Variants in RASGRP4 observed in about 807,000 individuals in gnomAD.
RASGRP4 encodes RAS guanyl-releasing protein 4.
In RASGRP4, 52 loss-of-function variants were observed where a neutral mutation model predicts 84.4. The ratio of observed to expected loss-of-function variants is 0.62; its 90% CI spans 0.49 to 0.78. The LOEUF is 0.78. RASGRP4 is among the 30% of genes least tolerant of loss of function. The pLI, the probability that RASGRP4 is intolerant of heterozygous loss-of-function variation, is 0.00. For missense variants in RASGRP4, 760 were observed against 886.9 expected (o/e 0.86, Z 1.82); for synonymous variants, 356 against 359.1 (o/e 0.99, Z 0.10).
At chr19:38,410,443 T>C (rs146132469) in intron 16 of RASGRP4, among the ~76,000 whole-genome samples, 4,583 of 150,610 alleles carry the variant, frequency 0.03, 228 homozygotes, top group African/African-American at 0.1. Context: ...GACAGGGTCT[T>C]GCTCTGTCAC....
chr19:38,418,457 C>T lies in RASGRP4; in HGVS notation c.771G>A (p.Met257Ile). Reference sequence around the variant, plus strand: ...GTAGGGGCCCGGGACGGCTCAGCACCATCACCTGCACCCAGCGGGACACGC... The same window carrying T: ...GTAGGGGCCCGGGACGGCTCAGCACTATCACCTGCACCCAGCGGGACACGC... Reference protein sequence around the residue: ...SNSVSRWVQVMVLSRPGPLQR... With the variant: ...SNSVSRWVQVIVLSRPGPLQR... The change falls in exon 7 of 17, where the codon ATG becomes ATA. Residue 257 changes from methionine to isoleucine, a missense_variant. Physicochemically the swap from Met to Ile is conservative, Grantham distance 10. Coordinates refer to ENST00000615439, the MANE Select transcript of RASGRP4 (RefSeq NM_170604.3). The surrounding 1 kb of genome is among the most constrained non-coding windows in gnomAD (Gnocchi z 4.6). 1 of 1,598,948 alleles carries T rather than the reference C, an allele frequency of 6.3e-7. No homozygotes were observed. Among genetic ancestry groups the T allele is most frequent in the Non-Finnish European group, 8.5e-7 (1 of 1,173,358 alleles).
In RASGRP4 at chr19:38,413,613, C is replaced by T. The variant is rs1971373285; in HGVS notation, c.1231-139G>A. 1.4e-6 allele frequency: 1 copy of T among 699,610 alleles called. No individual in the cohort carries two copies. The highest frequency in any genetic ancestry group is 1.8e-5 in the South Asian group (1 of 55,568). The allele number at this position is 699,610 out of a possible 1,614,324, so 43.3% of individuals were successfully genotyped here. ...TGCTGTGGGACAGTGGGCAAGGGAC[C>T]TCACCTCTCTGGGCCTCAGTTTCCC... On this transcript the variant is annotated intron_variant, in intron 9 of 16. Coordinates refer to ENST00000615439, the MANE Select transcript of RASGRP4 (RefSeq NM_170604.3). The surrounding 1 kb of genome is among the most constrained non-coding windows in gnomAD (Gnocchi z 4.7).
rs769408645 is a variant in RASGRP4, at chr19:38,419,967, C to T, written c.556G>A (p.Gly186Ser). Reference protein sequence around the residue: ...PGPPLPMSSPGLGKKRKVSLL... With the variant: ...PGPPLPMSSPSLGKKRKVSLL... ...GACACTTTGCGCTTTTTGCCCAGGC[C>T]TGGGCTGCTCATTGGGAGTGGGGGG... The change falls in exon 6 of 17, where the codon GGC (glycine) becomes AGC (serine). Residue 186 changes from glycine (G) to serine (S), a missense_variant. Transcript: ENST00000615439. 1 of 1,613,838 alleles carries T rather than the reference C, an allele frequency of 6.2e-7. No homozygotes were observed. The highest frequency in any genetic ancestry group is 1.3e-5 in the African/African-American group (1 of 74,942).
Position 38,420,200 on chromosome 19 carries a change from C to T in RASGRP4, c.440G>A (p.Gly147Asp). 6.2e-7 allele frequency: 1 copy of T among 1,613,194 alleles called. No individual in the cohort carries two copies. Among genetic ancestry groups the T allele is most frequent in the East Asian group, 2.2e-5 (1 of 44,848 alleles). The change falls in exon 5 of 17, where the codon GGT (glycine) becomes GAT (aspartate). Residue 147 changes from glycine to aspartate, a missense_variant. Gly to Asp is a moderately conservative substitution (Grantham distance 94). Coordinates refer to ENST00000615439, the MANE Select transcript of RASGRP4 (RefSeq NM_170604.3). The part of the protein sequence containing the change: ...HQDPQLEEVI[G>D]RFWATVAREG... Reference sequence around the variant, plus strand: ...CCGGGCCACGGTGGCCCAGAAACGACCTATGACTTCTTCTAGCTGGGGATC... The same window carrying T: ...CCGGGCCACGGTGGCCCAGAAACGATCTATGACTTCTTCTAGCTGGGGATC...
Position 38,420,285 on chromosome 19 carries a change from G to A in RASGRP4, c.378-23C>T, listed in dbSNP as rs369876197. The A allele has an allele frequency of 5.6e-6, 9 of 1,611,016 alleles. No homozygotes were observed. In the African/African-American group the frequency reaches 1.2e-4, roughly 22 times the overall value. ...TACCTGAGAGTGGTTTGGAGATGGT[G>A]AGATGAGGCCGGGGGTGGCGAAGGT... is the stretch of plus-strand genomic sequence containing the variant. On this transcript the variant is annotated intron_variant, in intron 4 of 16. Coordinates refer to ENST00000615439, the MANE Select transcript of RASGRP4 (RefSeq NM_170604.3).
Position 38,410,108 on chromosome 19 carries a change from A to G in RASGRP4, c.1966-12T>C, listed in dbSNP as rs1193386990. On this transcript the variant is annotated splice_polypyrimidine_tract_variant and intron_variant, in intron 16 of 16. Coordinates refer to ENST00000615439, the MANE Select transcript of RASGRP4 (RefSeq NM_170604.3). ...ACCGGGCAGGGGACCTGGAAGGAGG[A>G]AGGGAGGAAGAAAGATGACAGATGA... The G allele has an allele frequency of 6.2e-7, 1 of 1,608,506 alleles. No homozygotes were observed. The highest frequency in any genetic ancestry group is 1.1e-5 in the South Asian group (1 of 90,566).
At chr19:38,421,029 CA>C (rs1971723354) in intron 3 of RASGRP4, 59 bp from the exon 4 acceptor site, 4 of 1,606,736 alleles carry the variant, frequency 2.5e-6, no homozygotes, top group Middle Eastern at 1.7e-4. Context: ...TCCCCATTCC[CA>C]TTGCCCAGGT....
intron 8 of RASGRP4, among the ~76,000 whole-genome samples, chr19:38,415,448 C>T (rs1319335430): frequency 6.8e-6 from 1 of 146,412 alleles, no homozygotes; most frequent in African/African-American, 2.5e-5. Flanking sequence ...TCTCGGCTTA[C>T]TGCCACCTCC....
intron 1 of RASGRP4, among the ~76,000 whole-genome samples, chr19:38,425,241 G>A (rs1018262200): frequency 5.3e-5 from 8 of 151,680 alleles, no homozygotes; most frequent in African/African-American, 1.9e-4. Flanking sequence ...CCAGCAACCT[G>A]TATTTTACAA....
intron 8 of RASGRP4, among the ~76,000 whole-genome samples, chr19:38,416,407 G>C (rs1971500768): frequency 1.4e-5 from 2 of 144,860 alleles, no homozygotes; most frequent in South Asian, 4.4e-4. Context: ...AGGTTGCAGT[G>C]AGCCGAGATT....
At chr19:38,419,822 C>A in intron 6 of RASGRP4, 38 bp downstream of exon 6, 1 of 1,543,856 alleles carries the variant, frequency 6.5e-7, no homozygotes, top group Admixed American at 1.9e-5. Flanking sequence ...ACCCCAGTGT[C>A]TCCCCTGCTT....
rs777983419 is a variant in RASGRP4 at position 38,421,132 on chromosome 19, G to C, written c.277C>G (p.Leu93Val). 22 of 1,613,746 alleles carry C rather than the reference G, an allele frequency of 1.4e-5. No homozygotes were observed. The highest frequency in any genetic ancestry group is 1.8e-5 in the Non-Finnish European group (21 of 1,179,846). ...NMVLAMHSWV[L>V]PSADLAARLL... ...CGGGCAGCCAGGTCGGCGGACGGCAGCACCCAGCTGTGCATGGCCAGCACC... is the reference window on the plus strand; with the variant it reads ...CGGGCAGCCAGGTCGGCGGACGGCACCACCCAGCTGTGCATGGCCAGCACC... Residue 93 changes from leucine to valine, a missense_variant, in exon 3 of 17, where the codon CTG becomes GTG. Physicochemically the swap from Leu to Val is conservative, Grantham distance 32. Coordinates refer to ENST00000615439, the MANE Select transcript of RASGRP4 (RefSeq NM_170604.3).
rs778489895 is a variant in RASGRP4, at chr19:38,410,053, T to C, written c.2009A>G (p.Lys670Arg). ...VMDPPSTASS[K>R]LDS ...ACCAAGAGATGTCTAGGAATCCAGC[T>C]TGGAGGATGCAGTTGATGGTGGGTC... Residue 670 changes from lysine (K) to arginine (R), a missense_variant, in exon 17 of 17, where the codon AAG (lysine) becomes AGG (arginine). Lys to Arg is a conservative substitution (Grantham distance 26). Transcript: ENST00000615439. 2 of 1,611,850 alleles carry C rather than the reference T, an allele frequency of 1.2e-6. No individual in the cohort carries two copies. The highest frequency in any genetic ancestry group is 3.3e-5 in the Admixed American group (2 of 59,786).
intron 6 of RASGRP4, 79 bp downstream of exon 6, chr19:38,419,781 G>T (rs1412912702): frequency 1.2e-5 from 17 of 1,393,772 alleles, no homozygotes; most frequent in Non-Finnish European, 1.3e-5. Flanking sequence ...TGTCCTCTCA[G>T]TCCTACCTTC....
Position 38,417,154 on chromosome 19 carries a change from C to A in RASGRP4, c.852G>T (p.Leu284=). ...CTGCCATCAGCGTGTTGAAATTCTG[C>A]AGCTGGTGGAGCCTCTAGGAAGAGA... is the stretch of plus-strand genomic sequence containing the variant. The part of the protein sequence containing the change: ...FIHVAQRLHQ[L]QNFNTLMAVT... The change falls in exon 8 of 17, where the codon CTG becomes CTT. Residue 284 remains leucine, a synonymous_variant. Coordinates refer to ENST00000615439, the MANE Select transcript of RASGRP4 (RefSeq NM_170604.3). This position sits in a 1 kb window ranked among gnomAD's most constrained non-coding sequence, Gnocchi z 5.1. 1 of 1,557,996 alleles carries A rather than the reference C, an allele frequency of 6.4e-7. No individual in the cohort carries two copies. The highest frequency in any genetic ancestry group is 8.7e-7 in the Non-Finnish European group (1 of 1,150,456).
intron 6 of RASGRP4, among the ~76,000 whole-genome samples, chr19:38,419,232 T>G (rs1466610678): frequency 6.6e-6 from 1 of 152,164 alleles, no homozygotes; most frequent in East Asian, 1.9e-4. Flanking sequence ...TATGACAATT[T>G]CAAATGGTTC....
rs771740857 is a variant in RASGRP4 at position 38,420,248 on chromosome 19, C to G, written c.392G>C (p.Arg131Pro). The change falls in exon 5 of 17, where the codon CGA (arginine) becomes CCA (proline). Residue 131 changes from arginine (R) to proline (P), a missense_variant. By Grantham distance (103) the Arg-to-Pro change is moderately radical. Transcript: ENST00000615439. ...ICHLVRYWLMRHPEVMHQDPQ... is the reference protein window; with the variant it reads ...ICHLVRYWLMPHPEVMHQDPQ... ...ATCCTGGTGCATCACCTCAGGGTGT[C>G]GCATCAGCCAGTACCTGAGAGTGGT... The G allele has an allele frequency of 1.9e-6, 3 of 1,612,972 alleles. No homozygotes were observed. In the Admixed American group the frequency reaches 5.0e-5, roughly 27 times the overall value.
At chr19:38,411,624 T>C (rs1971260845) in intron 13 of RASGRP4, 1 of 512,046 alleles carries the variant, frequency 2.0e-6, no homozygotes. Flanking sequence ...GAGCTCAGGA[T>C]TGGAGGCTGC....
chr19:38,421,910 G>A, intron 2 of RASGRP4, 59 bp downstream of exon 2: 1 of 1,478,776 alleles, frequency 6.8e-7, no homozygotes, highest in Non-Finnish European at 9.2e-7. Context: ...GAGGTGGAGA[G>A]AAGCGAGTGC....
Sources: gnomAD v4.1 joint callset for allele counts (sites outside exome capture counted in the v4.1 genomes callset) on GRCh38, gnomAD v4.1.1 for gene constraint, Gnocchi (gnomAD v3.1) non-coding constraint, MANE v1.5 for transcripts, NCBI Gene and HGNC (gene_info 2026-07-23, HGNC 2026-07-21) for gene names.